GSE1: variants seen among roughly 807,000 people sequenced by gnomAD.
The protein encoded by GSE1 is genetic suppressor element 1.
Under a neutral mutation model 112.6 loss-of-function variants are expected in GSE1, and 32 were observed. That is an observed-to-expected ratio of 0.28 (90% CI 0.21 to 0.38). GSE1 has a LOEUF of 0.38. GSE1 is among the 10% of genes least tolerant of loss of function. The pLI is 1.00. For missense variants in GSE1, 2,348 were observed against 1,699.2 expected (o/e 1.38, Z -6.71); for synonymous variants, 1,115 against 735.6 (o/e 1.52, Z -8.35).
chr16:85,421,010 T>C (rs1188933282), intron 2 of GSE1, among the ~76,000 whole-genome samples: 1 of 152,192 alleles, frequency 6.6e-6, no homozygotes, highest in Non-Finnish European at 1.5e-5. Context: ...TAGGCCTCAG[T>C]GGCCCCCTCT....
chr16:85,532,851 G>A (rs147574875), intron 2 of GSE1, among the ~76,000 whole-genome samples: 15 of 152,344 alleles, frequency 9.8e-5, no homozygotes, highest in East Asian at 5.8e-4. Context: ...TGCATGTGCC[G>A]TGAAGTGGGC....
At chr16:85,610,677 G>A (rs1598369124), upstream of GSE1, among the ~76,000 whole-genome samples, 1 of 152,264 alleles carries the variant, frequency 6.6e-6, no homozygotes, top group African/African-American at 2.4e-5. Flanking sequence ...GCGGCTCGCT[G>A]CTGCCCCCCG....
intron 1 of GSE1, among the ~76,000 whole-genome samples, chr16:85,282,277 C>T (rs1242346647): frequency 1.3e-5 from 2 of 152,200 alleles, no homozygotes; most frequent in African/African-American, 4.8e-5. Context: ...CCAGCCGCCT[C>T]GGTCTCCCAA....
chr16:85,358,256 C>A (rs7206189), intron 2 of GSE1, among the ~76,000 whole-genome samples: 2 of 152,044 alleles, frequency 1.3e-5, no homozygotes, highest in African/African-American at 2.4e-5. Context: ...TGTGTGGACC[C>A]TTGAGGCTTT....
In GSE1 at chr16:85,382,951, A is replaced by G. The variant is rs559524962; in HGVS notation, c.2464+25308A>G. On this transcript the variant is annotated intron_variant, in intron 2 of 2. Transcript: ENST00000637419. Reference sequence around the variant, plus strand: ...ACGCGCACACAACACGTACACATGCACACACGTGCACACACATGCACGCTC... The same window carrying G: ...ACGCGCACACAACACGTACACATGCGCACACGTGCACACACATGCACGCTC... Among the ~76,000 whole-genome samples the G allele has an allele frequency of 6.2e-3, 933 of 151,276 alleles. 6 individuals carry two copies. The highest frequency in any genetic ancestry group is 0.022 in the African/African-American group (893 of 40,870).
chr16:85,431,362 A>T (rs1270859180), intron 2 of GSE1, among the ~76,000 whole-genome samples: 1 of 152,250 alleles, frequency 6.6e-6, no homozygotes, highest in Non-Finnish European at 1.5e-5. Flanking sequence ...TGTGTTTTCA[A>T]AGAGAAGCCA....
chr16:85,370,501 C>G (rs1365492907), intron 2 of GSE1, among the ~76,000 whole-genome samples: 3 of 152,152 alleles, frequency 2.0e-5, no homozygotes, highest in Non-Finnish European at 2.9e-5. Flanking sequence ...GAACTGGGCA[C>G]CCAGACCCTA....
At position 85,671,272 on chromosome 16, in the gene GSE1, C is replaced by G. The variant is rs181320038; in HGVS notation, c.3519+174C>G. On this transcript the variant is annotated intron_variant, in intron 15 of 15. Coordinates refer to ENST00000253458, the MANE Select transcript of GSE1 (RefSeq NM_014615.5). Reference sequence around the variant, plus strand: ...CGGCTAAAACGGTGAAACCCTGTCTCTACTAAAAATACAAAAAATTAGCCG... The same window carrying G: ...CGGCTAAAACGGTGAAACCCTGTCTGTACTAAAAATACAAAAAATTAGCCG... Among the ~76,000 whole-genome samples the G allele has an allele frequency of 7.2e-5, 11 of 151,784 alleles. No individual in the cohort carries two copies. The East Asian group carries it at 1.5e-3, about 21-fold the overall frequency.
At chr16:85,384,031 A>T (rs1489518132) in intron 2 of GSE1, among the ~76,000 whole-genome samples, 1 of 152,160 alleles carries the variant, frequency 6.6e-6, no homozygotes, top group Non-Finnish European at 1.5e-5. Flanking sequence ...CAGGCCAGTG[A>T]TCACATCCAC....
At chr16:85,604,091 T>C (rs575394559) in intron 1 of GSE1, among the ~76,000 whole-genome samples, 3 of 152,084 alleles carry the variant, frequency 2.0e-5, no homozygotes, top group South Asian at 4.2e-4. Flanking sequence ...AGCCAGCATA[T>C]CACGTGGCAA....
At chr16:85,646,681 G>A (rs576125297) in intron 2 of GSE1, among the ~76,000 whole-genome samples, 36 of 152,270 alleles carry the variant, frequency 2.4e-4, no homozygotes, top group Non-Finnish European at 4.3e-4. Flanking sequence ...CCGTGTGAGC[G>A]GCACGAGGTC....
At chr16:85,507,545 C>A (rs1333823354) in intron 2 of GSE1, among the ~76,000 whole-genome samples, 1 of 152,226 alleles carries the variant, frequency 6.6e-6, no homozygotes, top group Non-Finnish European at 1.5e-5. Context: ...CATTTCCTTG[C>A]AGTTCTGGAG....
At chr16:85,496,176 C>T (rs997784088) in intron 2 of GSE1, among the ~76,000 whole-genome samples, 19 of 152,188 alleles carry the variant, frequency 1.2e-4, no homozygotes, top group African/African-American at 4.6e-4. Context: ...CCTCGCTCCC[C>T]AGAGGTGAGA....
chr16:85,394,504 A>AG (rs2047922488), intron 2 of GSE1, among the ~76,000 whole-genome samples: 2 of 151,976 alleles, frequency 1.3e-5, no homozygotes, highest in South Asian at 2.1e-4. Context: ...GAGCGGCTTG[A>AG]GGGGGCTCTG....
chr16:85,305,838 C>T (rs186523836), intron 1 of GSE1, among the ~76,000 whole-genome samples: 23 of 152,160 alleles, frequency 1.5e-4, no homozygotes, highest in African/African-American at 3.1e-4. Context: ...ACTTGTAGTC[C>T]CAGAACTTTG....
At chr16:85,623,738 A>G (rs971798608) in intron 1 of GSE1, among the ~76,000 whole-genome samples, 2 of 152,130 alleles carry the variant, frequency 1.3e-5, no homozygotes, top group East Asian at 1.9e-4. Flanking sequence ...AGTCATCACC[A>G]TCTCCCCGCC....
chr16:85,446,418 G>C (rs947478164), intron 2 of GSE1, among the ~76,000 whole-genome samples: 1 of 152,192 alleles, frequency 6.6e-6, no homozygotes, highest in African/African-American at 2.4e-5. Context: ...TCTGCTGTAA[G>C]CTCTTGGACC....
intron 1 of GSE1, among the ~76,000 whole-genome samples, chr16:85,242,444 A>G (rs1032366288): frequency 5.3e-5 from 8 of 152,260 alleles, no homozygotes; most frequent in Admixed American, 1.3e-4. Context: ...GCCACCTTCC[A>G]TCTTTCTGTC....
At position 85,654,516 on chromosome 16, in the gene GSE1, C is replaced by T. The variant is rs1474234289; in HGVS notation, c.599+66C>T. 7.3e-6 allele frequency: 10 copies of T among 1,366,578 alleles called. No homozygotes were observed. The East Asian group carries it at 2.1e-4, about 28-fold the overall frequency. 84.7% of individuals were successfully genotyped at this position (1,366,578 alleles called of 1,614,324 possible). ...GGGACACAGTGCTCAGGGTCTGGGT[C>T]CCCAGGCAGCCTGCGGTCTGCACAG... On this transcript the variant is annotated intron_variant, in intron 4 of 15. Coordinates refer to ENST00000253458, the MANE Select transcript of GSE1 (RefSeq NM_014615.5).
Sources: gnomAD v4.1 joint callset for allele counts (sites outside exome capture counted in the v4.1 genomes callset) on GRCh38, gnomAD v4.1.1 for gene constraint, MANE v1.5 for transcripts, NCBI Gene and HGNC (gene_info 2026-07-23, HGNC 2026-07-21) for gene names.